The following CDH7 variants were observed in gnomAD, a reference collection of about 807,000 sequenced individuals.
The protein encoded by CDH7 is cadherin 7.
CDH7 carries 25 observed loss-of-function variants against 71.8 expected under a neutral mutation model. The observed-to-expected ratio is 0.35, with a 90% CI of 0.25 to 0.49. CDH7 has a LOEUF of 0.49. CDH7 is among the 20% of genes least tolerant of loss of function. The probability of loss-of-function intolerance (pLI) is 0.99; values close to 1 mark genes in which losing one functional copy is unlikely to be tolerated. For missense variants in CDH7, 862 were observed against 974.6 expected, an observed-to-expected ratio of 0.88 and a Z score of 1.54; for synonymous variants, 381 against 363.8, an observed-to-expected ratio of 1.05 and a Z score of -0.54.
chr18:65,822,082 A>G lies in CDH7; in HGVS notation c.627A>G (p.Gly209=). ...TTACTGGGATTTGAAATTTTACAGG[A>G]GTCATCAAGACTGCCCTTCCAAACA... is the stretch of plus-strand genomic sequence containing the variant. ...QPYFSVEPKT[G]VIKTALPNMD... is the part of the protein sequence containing the mutation. Residue 209 remains glycine (G), a splice_region_variant and synonymous_variant, in exon 5 of 12, where the codon GGA becomes GGG. Transcript: ENST00000397968. The G allele has an allele frequency of 1.2e-6, 2 of 1,611,422 alleles. No homozygotes were observed. Among genetic ancestry groups the G allele is most frequent in the Non-Finnish European group, 1.7e-6 (2 of 1,177,652 alleles).
At chr18:65,874,073 G>A (rs1401459126) in intron 11 of CDH7, among the ~76,000 whole-genome samples, 1 of 151,936 alleles carries the variant, frequency 6.6e-6, no homozygotes, top group Non-Finnish European at 1.5e-5. Flanking sequence ...TTGTGCTTAG[G>A]GTAAATCTGT....
chr18:65,799,499 A>G (rs1911039053), intron 2 of CDH7, among the ~76,000 whole-genome samples: 1 of 152,028 alleles, frequency 6.6e-6, no homozygotes, highest in African/African-American at 2.4e-5. Context: ...AAAGAGGTGA[A>G]ACCCCGTCTC....
chr18:65,755,066 A>G (rs1915994323), intron 1 of CDH7, among the ~76,000 whole-genome samples: 1 of 152,174 alleles, frequency 6.6e-6, no homozygotes, highest in East Asian at 1.9e-4. Context: ...ATTAAAACTT[A>G]TGGTCGTATA....
At chr18:65,761,019 G>C (rs1005087273) in intron 1 of CDH7, among the ~76,000 whole-genome samples, 1 of 152,104 alleles carries the variant, frequency 6.6e-6, no homozygotes, top group Admixed American at 6.5e-5. Context: ...AGAACAACTG[G>C]CCCTCTAGGG....
chr18:65,814,480 T>C lies in CDH7; in HGVS notation c.506-5T>C. 1 of 1,613,982 alleles carries C rather than the reference T, an allele frequency of 6.2e-7. No individual in the cohort carries two copies. The highest frequency in any genetic ancestry group is 8.5e-7 in the Non-Finnish European group (1 of 1,179,902). ...TAATTCAGTGGTTTTGGGATTGGCA[T>C]CTAGGGACCTCAGTGGTACAAGTGA... On this transcript the variant is annotated splice_polypyrimidine_tract_variant and splice_region_variant and intron_variant, in intron 3 of 11. Coordinates refer to ENST00000397968, the MANE Select transcript of CDH7 (RefSeq NM_004361.5).
intron 7 of CDH7, among the ~76,000 whole-genome samples, chr18:65,847,033 C>CTCAT (rs1447056525): frequency 5.9e-5 from 4 of 67,690 alleles, no homozygotes; most frequent in South Asian, 6.2e-4. Context: ...CTTGTACTCA[C>CTCAT]GCGTATTCCA....
chr18:65,849,597 G>C (rs930448882), intron 7 of CDH7, among the ~76,000 whole-genome samples: 12 of 151,588 alleles, frequency 7.9e-5, no homozygotes, highest in Middle Eastern at 3.4e-3. Flanking sequence ...ATTGTTAGTA[G>C]AGACAGGGTC....
chr18:65,878,706 T>A (rs1390419741), intron 11 of CDH7, among the ~76,000 whole-genome samples: 1 of 152,176 alleles, frequency 6.6e-6, no homozygotes, highest in East Asian at 1.9e-4. Flanking sequence ...TACTTTTGCA[T>A]CAACCTAGTA....
Position 65,756,955 on chromosome 18 carries a change from T to C in CDH7, c.-196-5692T>C, listed in dbSNP as rs148337732. On this transcript the variant is annotated intron_variant, in intron 1 of 11. Coordinates refer to ENST00000397968, the MANE Select transcript of CDH7 (RefSeq NM_004361.5). ...GTGGCTGAATATGATGTATACTTGT[T>C]ATGTTTTTAGCATGTTGACTTTGAA... Among the ~76,000 whole-genome samples, 180 of 152,326 alleles carry C rather than the reference T, an allele frequency of 1.2e-3. No individual in the cohort carries two copies. In the Middle Eastern group the frequency reaches 0.014, roughly 12 times the overall value.
chr18:65,867,035 A>ATTTT (rs11381508), intron 11 of CDH7, among the ~76,000 whole-genome samples: 1 of 134,206 alleles, frequency 7.5e-6, no homozygotes, highest in Non-Finnish European at 1.6e-5. Flanking sequence ...GGTATTCTAA[A>ATTTT]TTTTTTTTTT....
chr18:65,826,766 AT>A (rs1446780809), intron 6 of CDH7, among the ~76,000 whole-genome samples: 4 of 151,688 alleles, frequency 2.6e-5, no homozygotes, highest in South Asian at 4.1e-4. Flanking sequence ...CATTAAAAAA[AT>A]CTCATTAAAA....
chr18:65,805,864 G>T (rs12456797), intron 2 of CDH7, among the ~76,000 whole-genome samples: 4 of 152,208 alleles, frequency 2.6e-5, no homozygotes, highest in Non-Finnish European at 5.9e-5. Flanking sequence ...ATATGTTTTA[G>T]AGGAAATAAT....
At chr18:65,853,200 C>A (rs566596913) in intron 7 of CDH7, among the ~76,000 whole-genome samples, 1 of 152,156 alleles carries the variant, frequency 6.6e-6, no homozygotes, top group African/African-American at 2.4e-5. Flanking sequence ...AGTTCACACA[C>A]CGCTAATGGC....
At chr18:65,846,554 A>G (rs1383439702) in intron 7 of CDH7, among the ~76,000 whole-genome samples, 1 of 152,196 alleles carries the variant, frequency 6.6e-6, no homozygotes, top group Admixed American at 6.6e-5. Context: ...TAAGGTCAGC[A>G]CAATTATTTA....
intron 2 of CDH7, among the ~76,000 whole-genome samples, chr18:65,771,366 A>G (rs1269900533): frequency 6.6e-6 from 1 of 152,102 alleles, no homozygotes; most frequent in Non-Finnish European, 1.5e-5. Context: ...AGAGCCGTAA[A>G]CAGTGGCTCA....
At chr18:65,822,977 T>C (rs1399372513) in intron 5 of CDH7, among the ~76,000 whole-genome samples, 4 of 151,944 alleles carry the variant, frequency 2.6e-5, no homozygotes, top group Non-Finnish European at 5.9e-5. Context: ...GTTATTTCTT[T>C]AGAACACTCA....
chr18:65,817,528 G>C (rs1911764304), intron 4 of CDH7, among the ~76,000 whole-genome samples: 1 of 152,144 alleles, frequency 6.6e-6, no homozygotes, highest in Non-Finnish European at 1.5e-5. Context: ...ACTAGAGATA[G>C]ATAAGCCAAA....
chr18:65,829,756 A>AT (rs201297297), intron 6 of CDH7, among the ~76,000 whole-genome samples: 21 of 137,022 alleles, frequency 1.5e-4, no homozygotes, highest in African/African-American at 4.4e-4. Flanking sequence ...AGCAAGATGC[A>AT]TTTTTTTTCA....
chr18:65,781,439 A>T (rs1376580188), intron 2 of CDH7, among the ~76,000 whole-genome samples: 3 of 152,186 alleles, frequency 2.0e-5, no homozygotes, highest in Non-Finnish European at 4.4e-5. Context: ...TATAAATTAC[A>T]TACAAATATA....
Sources: allele counts gnomAD v4.1 joint callset (sites outside exome capture counted in the v4.1 genomes callset), GRCh38; gene constraint gnomAD v4.1.1; transcripts MANE v1.5; gene names NCBI Gene and HGNC (gene_info 2026-07-23, HGNC 2026-07-21).